ZFHX2: variants seen among roughly 807,000 people sequenced by gnomAD.
ZFHX2 encodes the protein zinc finger homeobox 2, also known as zinc finger homeobox protein 2.
ZFHX2 carries 75 observed loss-of-function variants against 164.8 expected under a neutral mutation model. That is an observed-to-expected ratio of 0.46 (90% confidence interval 0.38 to 0.55). The LOEUF is 0.55. Among genes scored for constraint, ZFHX2 ranks in the 20% least tolerant of loss-of-function variants. ZFHX2 has a pLI of 0.00. For synonymous variants in ZFHX2, 1,217 were observed against 1,351.4 expected, an observed-to-expected ratio of 0.90 and a Z score of 2.18; for missense variants, 2,933 against 3,308.0, an observed-to-expected ratio of 0.89 and a Z score of 2.78.
chr14:23,551,094 C>T lies in ZFHX2; in HGVS notation c.-50+249G>A, dbSNP rs757652711. Among the ~76,000 whole-genome samples the T allele has an allele frequency of 6.6e-6, 1 of 151,800 alleles. No homozygotes were observed. Among genetic ancestry groups the T allele is most frequent in the African/African-American group, 2.4e-5 (1 of 41,268 alleles). ...CTCCCTCCACCCCCGCATCTCTCTT[C>T]CCCCATCCTCGCGCACGCCCTCTTC... On this transcript the variant is annotated intron_variant, in intron 1 of 9. Coordinates refer to ENST00000419474, the MANE Select transcript of ZFHX2 (RefSeq NM_033400.3). This position sits in a 1 kb window ranked among gnomAD's most constrained non-coding sequence, Gnocchi z 5.3.
intron 6 of ZFHX2, chr14:23,528,877 T>G: frequency 1.0e-6 from 1 of 973,572 alleles, no homozygotes; most frequent in Non-Finnish European, 1.2e-6. Flanking sequence ...CTGGCACCAG[T>G]GGCACAGGCC....
chr14:23,523,579 C>T lies in ZFHX2; in HGVS notation c.6363G>A (p.Lys2121=), dbSNP rs1878322727. The change falls in exon 9 of 10, where the codon AAG becomes AAA. Residue 2121 remains lysine, a synonymous_variant. Coordinates refer to ENST00000419474, the MANE Select transcript of ZFHX2 (RefSeq NM_033400.3). This position sits in a 1 kb window ranked among gnomAD's most constrained non-coding sequence, Gnocchi z 4.1. The stretch of plus-strand genomic sequence containing the variant: ...CGGCTGTCCCCTGTAGTTTGGCCTT[C>T]TTTTCCTTGGCACGAGCATTCTGGA... The part of the protein sequence containing the change: ...VWFQNARAKE[K]KAKLQGTAAG... The T allele has an allele frequency of 1.3e-6, 2 of 1,545,554 alleles. No homozygotes were observed. The highest frequency in any genetic ancestry group is 2.4e-5 in the South Asian group (2 of 84,796).
intron 4 of ZFHX2, 112 bp from the exon 5 acceptor site, chr14:23,530,306 G>GC (rs1281296852): frequency 3.7e-5 from 30 of 819,770 alleles, no homozygotes; most frequent in Non-Finnish European, 5.6e-5. Flanking sequence ...AAAATGGATG[G>GC]CTCAATCAGC....
intron 5 of ZFHX2, 143 bp downstream of exon 5, chr14:23,529,977 C>T: frequency 4.0e-6 from 4 of 1,008,154 alleles, no homozygotes; most frequent in Non-Finnish European, 4.4e-6. Context: ...TCTCGTGGCT[C>T]AGCCTCCCTT....
rs1878588283 is a variant in ZFHX2 at position 23,525,516 on chromosome 14, C to A, written c.4426G>T (p.Gly1476Cys). ...PTPPPPEALG[G>C]GDKLACGACG... Reference sequence around the variant, plus strand: ...GCCCCACAGGCCAGCTTGTCCCCACCCCCGAGGGCCTCAGGTGGGGGTGGG... The same window carrying A: ...GCCCCACAGGCCAGCTTGTCCCCACACCCGAGGGCCTCAGGTGGGGGTGGG... Residue 1476 changes from glycine (G) to cysteine (C), a missense_variant, in exon 9 of 10, where the codon GGT becomes TGT. Coordinates refer to ENST00000419474, the MANE Select transcript of ZFHX2 (RefSeq NM_033400.3). The surrounding 1 kb of genome is among the most constrained non-coding windows in gnomAD (Gnocchi z 5.9). 1 of 1,535,578 alleles carries A rather than the reference C, an allele frequency of 6.5e-7. No homozygotes were observed. The highest frequency in any genetic ancestry group is 2.0e-5 in the Admixed American group (1 of 50,974).
At position 23,534,667 on chromosome 14, in the gene ZFHX2, G is replaced by T. The variant is rs551853601; in HGVS notation, c.659C>A (p.Pro220His). ...GCTGTTCCCCATGGGGCCATCTTTG[G>T]GATCTCCGGGTGGATTTGGAGCCAG... The part of the protein sequence containing the change: ...YQLAPNPPGD[P>H]KDGPMGNSGG... The change falls in exon 2 of 10, where the codon CCC (proline) becomes CAC (histidine). Residue 220 changes from proline (P) to histidine (H), a missense_variant. Physicochemically the swap from Pro to His is moderately conservative, Grantham distance 77. Transcript: ENST00000419474. This position sits in a 1 kb window ranked among gnomAD's most constrained non-coding sequence, Gnocchi z 4.5. The T allele has an allele frequency of 2.0e-6, 3 of 1,536,194 alleles. No homozygotes were observed. In the South Asian group the frequency reaches 3.6e-5, roughly 18 times the overall value.
Position 23,533,728 on chromosome 14 carries a change from A to T in ZFHX2, c.1598T>A (p.Leu533Gln). The change falls in exon 2 of 10, where the codon CTG becomes CAG. Residue 533 changes from leucine to glutamine, a missense_variant. Transcript: ENST00000419474. The surrounding 1 kb of genome is among the most constrained non-coding windows in gnomAD (Gnocchi z 4.8). The part of the protein sequence containing the change: ...LSIHMQSDKH[L>Q]ANLQGFQAGP... Reference sequence around the variant, plus strand: ...CGCCTGGAAGCCCTGTAGGTTGGCCAGGTGCTTGTCAGACTGCATATGGAT... The same window carrying T: ...CGCCTGGAAGCCCTGTAGGTTGGCCTGGTGCTTGTCAGACTGCATATGGAT... 1 of 1,552,540 alleles carries T rather than the reference A, an allele frequency of 6.4e-7. No homozygotes were observed. The highest frequency in any genetic ancestry group is 1.9e-5 in the Admixed American group (1 of 52,700).
In ZFHX2 at chr14:23,523,123, A is replaced by G; in HGVS notation, c.6739+80T>C. On this transcript the variant is annotated intron_variant, in intron 9 of 9. Coordinates refer to ENST00000419474, the MANE Select transcript of ZFHX2 (RefSeq NM_033400.3). The surrounding 1 kb of genome is among the most constrained non-coding windows in gnomAD (Gnocchi z 4.1). ...GCCACAGGAGATTGGGCATGGGAAG[A>G]ATCAGGAAGGAAAAGGAAGGGCATG... 7.1e-7 allele frequency: 1 copy of G among 1,400,176 alleles called. No homozygotes were observed. The highest frequency in any genetic ancestry group is 9.2e-7 in the Non-Finnish European group (1 of 1,082,550). 86.7% of individuals were successfully genotyped at this position (1,400,176 alleles called of 1,614,324 possible).
At position 23,523,348 on chromosome 14, in the gene ZFHX2, G is replaced by C; in HGVS notation, c.6594C>G (p.Pro2198=). 2 of 1,468,244 alleles carry C rather than the reference G, an allele frequency of 1.4e-6. No homozygotes were observed. Among genetic ancestry groups the C allele is most frequent in the Non-Finnish European group, 1.8e-6 (2 of 1,112,310 alleles). 91.0% of individuals were successfully genotyped at this position (1,468,244 alleles called of 1,614,324 possible). The part of the protein sequence containing the change: ...CYDLAPAPEA[P]PALKAPPATT... ...TGGCAGGTGGGGCCTTGAGAGCTGG[G>C]GGAGCCTCAGGTGCTGGGGCCAAGT... Residue 2198 remains proline (P), a synonymous_variant, in exon 9 of 10, where the codon CCC becomes CCG. Coordinates refer to ENST00000419474, the MANE Select transcript of ZFHX2 (RefSeq NM_033400.3). This position sits in a 1 kb window ranked among gnomAD's most constrained non-coding sequence, Gnocchi z 4.1.
At position 23,533,459 on chromosome 14, in the gene ZFHX2, C is replaced by T; in HGVS notation, c.1867G>A (p.Ala623Thr). Residue 623 changes from alanine (A) to threonine (T), a missense_variant, in exon 2 of 10, where the codon GCT becomes ACT. Physicochemically the swap from Ala to Thr is moderately conservative, Grantham distance 58 (BLOSUM62 0). Transcript: ENST00000419474. The surrounding 1 kb of genome is among the most constrained non-coding windows in gnomAD (Gnocchi z 4.8). ...AGTTCAGGGGGGCTAGTGGGGGTAG[C>T]CCCTGGTGGGGGAGGAGGGCCTGGC... ...MGPGPPPPPG[A>T]TPTSPPELFQ... The T allele has an allele frequency of 1.3e-6, 2 of 1,534,698 alleles. No homozygotes were observed. The highest frequency in any genetic ancestry group is 1.7e-6 in the Non-Finnish European group (2 of 1,145,950).
At position 23,522,332 on chromosome 14, in the gene ZFHX2, C is replaced by T. The variant is rs1004004426; in HGVS notation, c.7349G>A (p.Arg2450His). 7.8e-6 allele frequency: 12 copies of T among 1,532,838 alleles called. No individual in the cohort carries two copies. Among genetic ancestry groups the T allele is most frequent in the South Asian group, 2.4e-5 (2 of 83,622 alleles). 95.0% of individuals were successfully genotyped at this position (1,532,838 alleles called of 1,614,324 possible). ...TGISTVDVTHRYLCRQCKMAF... is the reference protein window; with the variant it reads ...TGISTVDVTHHYLCRQCKMAF... ...CATCTTGCACTGGCGGCACAGGTAGCGATGGGTTACATCCACGGTGGAGAT... is the reference window on the plus strand; with the variant it reads ...CATCTTGCACTGGCGGCACAGGTAGTGATGGGTTACATCCACGGTGGAGAT... The change falls in exon 10 of 10, where the codon CGC (arginine) becomes CAC (histidine). Residue 2450 changes from arginine (R) to histidine (H), a missense_variant. Physicochemically the swap from Arg to His is conservative, Grantham distance 29. Coordinates refer to ENST00000419474, the MANE Select transcript of ZFHX2 (RefSeq NM_033400.3).
chr14:23,525,074 C>T lies in ZFHX2; in HGVS notation c.4868G>A (p.Gly1623Glu). The change falls in exon 9 of 10, where the codon GGA becomes GAA. Residue 1623 changes from glycine to glutamate, a missense_variant. Physicochemically the swap from Gly to Glu is moderately conservative, Grantham distance 98. Transcript: ENST00000419474. The surrounding 1 kb of genome is among the most constrained non-coding windows in gnomAD (Gnocchi z 5.9). ...FFETSAYPKD[G>E]EVERLASLLG... ...CAGACTTGCGAGTCGCTCCACCTCT[C>T]CGTCTTTGGGGTAGGCGCTAGTCTC... The T allele has an allele frequency of 6.5e-7, 1 of 1,536,176 alleles. No homozygotes were observed.
At chr14:23,547,187 A>C (rs1328226613) in intron 1 of ZFHX2, among the ~76,000 whole-genome samples, 2 of 152,220 alleles carry the variant, frequency 1.3e-5, no homozygotes, top group African/African-American at 2.4e-5. Flanking sequence ...GCCATCCCTC[A>C]CAGGGTTCTT....
Position 23,531,608 on chromosome 14 carries a change from T to C in ZFHX2, c.2673A>G (p.Thr891=). The stretch of plus-strand genomic sequence containing the variant: ...GGGCCTGGGCATCGCGGTGGGCAGG[T>C]GTGCGCAGGTGTTGCAGCACAGCCA... ...SRLAVLQHLR[T]PAHRDAQAQR... Residue 891 remains threonine, a synonymous_variant, in exon 4 of 10, where the codon ACA becomes ACG. Coordinates refer to ENST00000419474, the MANE Select transcript of ZFHX2 (RefSeq NM_033400.3). 6.6e-7 allele frequency: 1 copy of C among 1,525,222 alleles called. No individual in the cohort carries two copies. 94.5% of individuals were successfully genotyped at this position (1,525,222 alleles called of 1,614,324 possible).
intron 1 of ZFHX2, among the ~76,000 whole-genome samples, chr14:23,545,643 T>C (rs1258498551): frequency 6.6e-6 from 1 of 152,206 alleles, no homozygotes; most frequent in Admixed American, 6.5e-5. Context: ...ATCTGTAGGT[T>C]TGTGGAAACC....
At position 23,525,615 on chromosome 14, in the gene ZFHX2, G is replaced by A. The variant is rs1437205285; in HGVS notation, c.4327C>T (p.Leu1443Phe). The change falls in exon 9 of 10, where the codon CTT (leucine) becomes TTT (phenylalanine). Residue 1443 changes from leucine (L) to phenylalanine (F), a missense_variant. Leu to Phe is a conservative substitution (Grantham distance 22, BLOSUM62 0). Transcript: ENST00000419474. The surrounding 1 kb of genome is among the most constrained non-coding windows in gnomAD (Gnocchi z 5.9). Reference sequence around the variant, plus strand: ...AGCTCAAAGCCAAAGTTTTCTAGAAGGGCTTTGGCTGCAGTGCGGGCAGCC... The same window carrying A: ...AGCTCAAAGCCAAAGTTTTCTAGAAAGGCTTTGGCTGCAGTGCGGGCAGCC... Reference protein sequence around the residue: ...NEAARTAAKALLENFGFELVI... With the variant: ...NEAARTAAKAFLENFGFELVI... The A allele has an allele frequency of 1.5e-4, 225 of 1,535,834 alleles. 1 individual carries two copies. In the East Asian group the frequency reaches 5.5e-3, roughly 37 times the overall value.
At chr14:23,538,772 A>C (rs1272990819) in intron 1 of ZFHX2, among the ~76,000 whole-genome samples, 1 of 152,034 alleles carries the variant, frequency 6.6e-6, no homozygotes, top group African/African-American at 2.4e-5. Context: ...GAGGTTGGGG[A>C]CGGTCAGGGA....
In ZFHX2 at chr14:23,551,612, G is replaced by T; in HGVS notation, c.-319C>A. ...GAAGTGTTTCCCCGGCTTCGTGAGG[G>T]GGTTTCCATTGATTCACCCTGGGCA... is the stretch of plus-strand genomic sequence containing the variant. On this transcript the variant is annotated 5_prime_UTR_variant, in exon 1 of 10. Transcript: ENST00000419474. The surrounding 1 kb of genome is among the most constrained non-coding windows in gnomAD (Gnocchi z 5.3). The T allele has an allele frequency of 6.5e-6, 1 of 153,382 alleles. No individual in the cohort carries two copies. Among genetic ancestry groups the T allele is most frequent in the South Asian group, 1.8e-4 (1 of 5,502 alleles). 9.5% of individuals were successfully genotyped at this position (153,382 alleles called of 1,614,324 possible).
chr14:23,527,578 A>G, intron 7 of ZFHX2, 26 bp downstream of exon 7: 1 of 1,536,140 alleles, frequency 6.5e-7, no homozygotes, highest in Non-Finnish European at 8.7e-7. Context: ...GTCTTGTTGT[A>G]CCGTCCTCAC....
Sources: allele counts gnomAD v4.1 joint callset (sites outside exome capture counted in the v4.1 genomes callset), GRCh38; gene constraint gnomAD v4.1.1; non-coding constraint Gnocchi (gnomAD v3.1); transcripts MANE v1.5; gene names NCBI Gene and HGNC (gene_info 2026-07-23, HGNC 2026-07-21).